POLI: variants seen among roughly 807,000 people sequenced by gnomAD.
POLI encodes RAD30 homolog B.
POLI carries 58 observed loss-of-function variants against 51.6 expected under a neutral mutation model. That is an observed-to-expected ratio of 1.12 (90% CI 0.91 to 1.40). The LOEUF is 1.40. Among genes scored for constraint, POLI ranks in the 40% most tolerant of loss-of-function variants. The pLI is 0.00. For missense variants in POLI, 921 were observed against 871.3 expected, an observed-to-expected ratio of 1.06 and a Z score of -0.72; for synonymous variants, 322 against 299.7, an observed-to-expected ratio of 1.07 and a Z score of -0.77.
At chr18:54,290,911 G>A (rs2087980008) in intron 8 of POLI, among the ~76,000 whole-genome samples, 3 of 152,072 alleles carry the variant, frequency 2.0e-5, no homozygotes. Flanking sequence ...AACTAACACG[G>A]TACATGTATA....
In POLI at chr18:54,283,972, TA is replaced by T; in HGVS notation, c.1031del (p.Asn344IlefsTer11). 4 of 1,491,408 alleles carry T rather than the reference TA, an allele frequency of 2.7e-6. No individual in the cohort carries two copies. The highest frequency in any genetic ancestry group is 3.7e-6 in the Non-Finnish European group (4 of 1,077,446). 92.4% of individuals were successfully genotyped at this position (1,491,408 alleles called of 1,614,324 possible). A position where few individuals can be genotyped will look rare whatever the true frequency, so the allele number is the denominator to read the frequency against. ...FKKCSSEVEA[K>X]NKIEELLASL... Reference sequence around the variant, plus strand: ...AAAAATGTTCATCTGAAGTTGAAGCTAAAAATAAGATTGAAGAACTACTTGC... The same window carrying T: ...AAAAATGTTCATCTGAAGTTGAAGCTAAAATAAGATTGAAGAACTACTTGC... On this transcript the variant is annotated frameshift_variant, in exon 7 of 10. Coordinates refer to ENST00000579534, the MANE Select transcript of POLI (RefSeq NM_007195.3). LOFTEE classifies it high-confidence loss of function.
rs775944642 is a variant in POLI at position 54,280,729 on chromosome 18, A to G, written c.622A>G (p.Met208Val). The change falls in exon 5 of 10, where the codon ATG (methionine) becomes GTG (valine). Residue 208 changes from methionine (M) to valine (V), a missense_variant. Transcript: ENST00000579534. ...LLVGSQIAAE[M>V]REAMYNQLGL... ...TGTTGGATCTCAGATTGCAGCAGAG[A>G]TGCGGGAAGCCATGTATAATCAGTT... 6.2e-7 allele frequency: 1 copy of G among 1,613,816 alleles called. No homozygotes were observed. Among genetic ancestry groups the G allele is most frequent in the African/African-American group, 1.3e-5 (1 of 74,918 alleles).
At chr18:54,320,658 A>T (rs1439188632) in intron 4 of POLI, among the ~76,000 whole-genome samples, 1 of 132,842 alleles carries the variant, frequency 7.5e-6, no homozygotes, top group East Asian at 1.9e-4. Context: ...AATTGCTTGT[A>T]AAGTGTAATG....
chr18:54,290,207 T>A (rs1216817553), intron 8 of POLI, among the ~76,000 whole-genome samples: 1 of 152,034 alleles, frequency 6.6e-6, no homozygotes, highest in Non-Finnish European at 1.5e-5. Flanking sequence ...ACATTTATGC[T>A]GCCAACAGAC....
downstream of POLI, among the ~76,000 whole-genome samples, chr18:54,300,079 T>C (rs1214109483): frequency 6.6e-6 from 1 of 151,384 alleles, no homozygotes; most frequent in Non-Finnish European, 1.5e-5. Context: ...CCCATAAAAT[T>C]AGAGGAAGTC....
intron 3 of POLI, among the ~76,000 whole-genome samples, chr18:54,308,158 T>G (rs2088618560): frequency 6.6e-6 from 1 of 152,218 alleles, no homozygotes. Flanking sequence ...CGTTAGTTGA[T>G]GCAGTTTCTT....
At position 54,294,880 on chromosome 18, in the gene POLI, A is replaced by G; in HGVS notation, c.*413A>G. ...AATTCAGCCTCTTAGGCTGAATAGC[A>G]AATCCTACTGCCAACTAACCTATTA... On this transcript the variant is annotated 3_prime_UTR_variant, in exon 10 of 10. Transcript: ENST00000579534. 1.0e-6 allele frequency: 1 copy of G among 984,618 alleles called. No homozygotes were observed. Among genetic ancestry groups the G allele is most frequent in the Non-Finnish European group, 1.2e-6 (1 of 829,180 alleles). 61.0% of individuals were successfully genotyped at this position (984,618 alleles called of 1,614,324 possible). A position where few individuals can be genotyped will look rare whatever the true frequency, so the allele number is the denominator to read the frequency against.
At position 54,294,035 on chromosome 18, in the gene POLI, A is replaced by G. The variant is rs2088163872; in HGVS notation, c.1791A>G (p.Val597=). The change falls in exon 10 of 10, where the codon GTA becomes GTG. Residue 597 remains valine, a synonymous_variant. Coordinates refer to ENST00000579534, the MANE Select transcript of POLI (RefSeq NM_007195.3). ...HLSSSKQVSS[V]SPCEPGTSGF... ...CCAGTAGCAAACAGGTATCCTCTGT[A>G]TCTCCTTGTGAACCGGGAACATCAG... The G allele has an allele frequency of 6.2e-7, 1 of 1,613,456 alleles. No individual in the cohort carries two copies. The highest frequency in any genetic ancestry group is 8.5e-7 in the Non-Finnish European group (1 of 1,179,588).
chr18:54,309,958 G>A (rs1299474692), intron 3 of POLI, among the ~76,000 whole-genome samples: 1 of 152,214 alleles, frequency 6.6e-6, no homozygotes, highest in African/African-American at 2.4e-5. Context: ...CAATATTTGA[G>A]TGGGAGTGTC....
chr18:54,283,446 A>G (rs1357728535), intron 6 of POLI, among the ~76,000 whole-genome samples: 2 of 152,054 alleles, frequency 1.3e-5, no homozygotes, highest in Non-Finnish European at 2.9e-5. Flanking sequence ...CTTCACAACA[A>G]AGCATCAAGG....
intron 3 of POLI, chr18:54,311,215 C>A: frequency 2.5e-6 from 1 of 399,336 alleles, no homozygotes; most frequent in Non-Finnish European, 3.4e-6. Flanking sequence ...TGAGAAGCTG[C>A]TGTTGCCTCT....
At chr18:54,273,871 T>C (rs2046379205) in intron 2 of POLI, 55 bp from the exon 3 acceptor site, 6 of 913,492 alleles carry the variant, frequency 6.6e-6, no homozygotes, top group Middle Eastern at 2.3e-4. Flanking sequence ...ATTAATAATA[T>C]CTTTAAATGT....
At chr18:54,302,056 G>A (rs937789020), downstream of POLI, among the ~76,000 whole-genome samples, 1 of 152,170 alleles carries the variant, frequency 6.6e-6, no homozygotes, top group African/African-American at 2.4e-5. Context: ...GATAGCTTGG[G>A]TAGGACTTGT....
At chr18:54,283,900 C>T in intron 6 of POLI, 22 bp from the exon 7 acceptor site, 1 of 893,384 alleles carries the variant, frequency 1.1e-6, no homozygotes. Flanking sequence ...TGTGCTAATC[C>T]TTATTTATGC....
intron 3 of POLI, among the ~76,000 whole-genome samples, chr18:54,316,516 A>C (rs78749928): frequency 0.059 from 9,006 of 152,308 alleles, 343 homozygotes; most frequent in Middle Eastern, 0.11. Flanking sequence ...TTATGATGTA[A>C]CATATTCTTT....
chr18:54,319,061 T>C (rs2088765718), intron 3 of POLI, among the ~76,000 whole-genome samples: 1 of 152,112 alleles, frequency 6.6e-6, no homozygotes, highest in Admixed American at 6.6e-5. Flanking sequence ...TTTCACTCTT[T>C]TTCTTCCTGC....
intron 3 of POLI, among the ~76,000 whole-genome samples, chr18:54,310,027 G>A (rs1008413061): frequency 8.5e-5 from 13 of 152,144 alleles, no homozygotes; most frequent in Non-Finnish European, 8.8e-5. Context: ...GAAATTCCCC[G>A]GCCCCTTGTG....
At chr18:54,271,150 A>C in intron 1 of POLI, 1 of 347,520 alleles carries the variant, frequency 2.9e-6, no homozygotes, top group African/African-American at 3.7e-5. Flanking sequence ...AGAAAAACGC[A>C]GTGCACAAAC....
At chr18:54,305,283 T>G (rs1297893246) in intron 3 of POLI, among the ~76,000 whole-genome samples, 1 of 152,234 alleles carries the variant, frequency 6.6e-6, no homozygotes, top group African/African-American at 2.4e-5. Flanking sequence ...AAGTGTTTTT[T>G]TCCAATTCTG....
Sources: allele counts gnomAD v4.1 joint callset (sites outside exome capture counted in the v4.1 genomes callset), GRCh38; gene constraint gnomAD v4.1.1; transcripts MANE v1.5; gene names NCBI Gene and HGNC (gene_info 2026-07-23, HGNC 2026-07-21).